Variants in AGBL4 observed in about 807,000 individuals in gnomAD.
AGBL4 encodes the protein cytosolic carboxypeptidase 6.
A neutral mutation model predicts 66.4 loss-of-function variants in AGBL4; 58 were observed. That is an observed-to-expected ratio of 0.87 (90% CI 0.71 to 1.09). The LOEUF is 1.09. Among genes scored for constraint, AGBL4 ranks in the 50% least tolerant of loss-of-function variants. The probability of loss-of-function intolerance (pLI) is 0.00; values close to 1 mark genes in which losing one functional copy is unlikely to be tolerated. For synonymous variants in AGBL4, 234 were observed against 222.9 expected, an observed-to-expected ratio of 1.05 and a Z score of -0.44; for missense variants, 579 against 631.0, an observed-to-expected ratio of 0.92 and a Z score of 0.88.
chr1:48,739,639 T>C (rs942664092), intron 6 of AGBL4, among the ~76,000 whole-genome samples: 18 of 152,322 alleles, frequency 1.2e-4, no homozygotes, highest in Admixed American at 1.2e-3. Flanking sequence ...AGCCTTACTT[T>C]TCTCAGCTAT....
intron 6 of AGBL4, among the ~76,000 whole-genome samples, chr1:48,822,361 T>C (rs1646334965): frequency 1.3e-5 from 2 of 152,216 alleles, no homozygotes. Flanking sequence ...GAATAAACTA[T>C]TGATACATGC....
At chr1:49,192,492 T>C (rs1201238695) in intron 4 of AGBL4, among the ~76,000 whole-genome samples, 1 of 152,096 alleles carries the variant, frequency 6.6e-6, no homozygotes, top group African/African-American at 2.4e-5. Context: ...AGAGACAGGG[T>C]TTCACCATAT....
At chr1:48,596,214 A>T (rs1394849015) in intron 9 of AGBL4, among the ~76,000 whole-genome samples, 1 of 152,152 alleles carries the variant, frequency 6.6e-6, no homozygotes, top group Non-Finnish European at 1.5e-5. Context: ...GATTATAGTA[A>T]GGCAAGCCCC....
intron 3 of AGBL4, among the ~76,000 whole-genome samples, chr1:49,256,648 T>C (rs1481112432): frequency 6.6e-6 from 1 of 152,198 alleles, no homozygotes; most frequent in Admixed American, 6.5e-5. Context: ...TGTTTATGCA[T>C]GTAAAAGTTG....
At chr1:48,868,197 G>A (rs896458946) in intron 5 of AGBL4, among the ~76,000 whole-genome samples, 1 of 152,136 alleles carries the variant, frequency 6.6e-6, no homozygotes, top group African/African-American at 2.4e-5. Context: ...GAGAGTCATT[G>A]CTCTAGATTA....
chr1:49,404,747 A>T (rs1176041175), intron 3 of AGBL4, among the ~76,000 whole-genome samples: 1 of 152,220 alleles, frequency 6.6e-6, no homozygotes, highest in Non-Finnish European at 1.5e-5. Context: ...AATTTTTGTC[A>T]AGTTCTAGTA....
At chr1:49,210,562 C>T (rs1402733554) in intron 4 of AGBL4, among the ~76,000 whole-genome samples, 1 of 152,036 alleles carries the variant, frequency 6.6e-6, no homozygotes, top group Non-Finnish European at 1.5e-5. Context: ...CTTTTGTAAT[C>T]TCAGGAGGCC....
chr1:48,878,877 A>C (rs919053283), intron 5 of AGBL4, among the ~76,000 whole-genome samples: 1 of 152,156 alleles, frequency 6.6e-6, no homozygotes, highest in Non-Finnish European at 1.5e-5. Flanking sequence ...AGAGTTATAT[A>C]TACTCCAGGA....
intron 4 of AGBL4, among the ~76,000 whole-genome samples, chr1:49,156,627 G>A (rs1176937400): frequency 6.6e-6 from 1 of 152,156 alleles, no homozygotes; most frequent in Non-Finnish European, 1.5e-5. Flanking sequence ...AGAACCTCTT[G>A]TGACATGGAA....
intron 4 of AGBL4, among the ~76,000 whole-genome samples, chr1:49,242,729 T>C (rs1651333012): frequency 6.6e-6 from 1 of 151,974 alleles, no homozygotes; most frequent in African/African-American, 2.4e-5. Context: ...GGAAGTCTAA[T>C]ATGTAAATAA....
At chr1:49,659,321 C>T (rs1312078559) in intron 3 of AGBL4, among the ~76,000 whole-genome samples, 1 of 152,006 alleles carries the variant, frequency 6.6e-6, no homozygotes, top group Non-Finnish European at 1.5e-5. Flanking sequence ...TAATATTAAC[C>T]TTAAATGTAA....
intron 4 of AGBL4, among the ~76,000 whole-genome samples, chr1:49,152,100 A>C (rs1198040896): frequency 6.6e-6 from 1 of 152,232 alleles, no homozygotes; most frequent in Non-Finnish European, 1.5e-5. Context: ...ATAAATTTAA[A>C]AAGTAGAAAC....
intron 1 of AGBL4, among the ~76,000 whole-genome samples, chr1:49,948,160 A>G (rs1383382968): frequency 2.9e-5 from 3 of 103,148 alleles, no homozygotes; most frequent in South Asian, 5.8e-4. Context: ...AAATATACGT[A>G]AATATATAAA....
At chr1:48,962,067 T>C (rs570265674) in intron 5 of AGBL4, among the ~76,000 whole-genome samples, 4 of 152,220 alleles carry the variant, frequency 2.6e-5, no homozygotes, top group South Asian at 4.2e-4. Flanking sequence ...TAGACCACCC[T>C]GAAAAGCAAC....
intron 3 of AGBL4, among the ~76,000 whole-genome samples, chr1:49,546,079 C>T (rs1414963769): frequency 2.6e-5 from 4 of 152,032 alleles, no homozygotes; most frequent in South Asian, 2.1e-4. Context: ...CATTCTGATG[C>T]CTTTGCGTCC....
intron 5 of AGBL4, among the ~76,000 whole-genome samples, chr1:49,003,390 C>T (rs1238374687): frequency 6.6e-6 from 1 of 151,960 alleles, no homozygotes; most frequent in East Asian, 1.9e-4. Flanking sequence ...AAGAGCGAAA[C>T]TCTATCTCAA....
At chr1:49,383,910 C>T (rs1344109940) in intron 3 of AGBL4, among the ~76,000 whole-genome samples, 1 of 151,986 alleles carries the variant, frequency 6.6e-6, no homozygotes, top group Admixed American at 6.6e-5. Flanking sequence ...GATTCCCCTG[C>T]CTCAGCCTCC....
At chr1:48,827,431 C>T (rs746385330) in intron 6 of AGBL4, among the ~76,000 whole-genome samples, 4 of 152,152 alleles carry the variant, frequency 2.6e-5, no homozygotes, top group Non-Finnish European at 5.9e-5. Flanking sequence ...TACATACAGC[C>T]AACATCTGCT....
At chr1:49,392,400 G>A (rs1004992487) in intron 3 of AGBL4, among the ~76,000 whole-genome samples, 4 of 152,272 alleles carry the variant, frequency 2.6e-5, no homozygotes, top group South Asian at 4.1e-4. Flanking sequence ...GCCAGGAACC[G>A]TGTTTCTCAG....
Sources: allele counts gnomAD v4.1 joint callset (sites outside exome capture counted in the v4.1 genomes callset), GRCh38; gene constraint gnomAD v4.1.1; transcripts MANE v1.5; gene names NCBI Gene and HGNC (gene_info 2026-07-23, HGNC 2026-07-21).